RTEL1: variants seen among roughly 807,000 people sequenced by gnomAD.
The protein encoded by RTEL1 is regulator of telomere length.
In RTEL1, 86 loss-of-function variants were observed where a neutral mutation model predicts 162.2. The ratio of observed to expected loss-of-function variants is 0.53; its 90% confidence interval spans 0.45 to 0.63. The LOEUF (loss-of-function observed/expected upper bound fraction) is 0.63. RTEL1 is among the 30% of genes least tolerant of loss of function. The pLI, the probability that RTEL1 is intolerant of heterozygous loss-of-function variation, is 0.00. For synonymous variants in RTEL1, 958 were observed against 717.9 expected (o/e 1.33, Z -5.35); for missense variants, 1,941 against 1,750.2 (o/e 1.11, Z -1.95).
Position 63,695,351 on chromosome 20 carries a change from G to T in RTEL1, c.3523G>T (p.Gly1175Trp). The T allele has an allele frequency of 6.4e-7, 1 of 1,550,948 alleles. No individual in the cohort carries two copies. Among genetic ancestry groups the T allele is most frequent in the East Asian group, 2.3e-5 (1 of 44,348 alleles). Reference protein sequence around the residue: ...QPGPSRSEKTGKTQSKISSFL... With the variant: ...QPGPSRSEKTWKTQSKISSFL... ...AGGCCCCTCACGGTCCGAGAAGACC[G>T]GGAAGACCCAGAGCAAGATCTCGTC... The change falls in exon 34 of 35, where the codon GGG becomes TGG. Residue 1175 changes from glycine (G) to tryptophan (W), a missense_variant. Gly to Trp is a radical substitution (Grantham distance 184). Transcript: ENST00000360203.
intron 6 of RTEL1, 26 bp from the exon 7 acceptor site, chr20:63,665,978 T>C: frequency 6.2e-7 from 1 of 1,609,440 alleles, no homozygotes; most frequent in Admixed American, 1.7e-5. Context: ...TGAGGGTGTG[T>C]GTTTACCCCT....
intron 14 of RTEL1, among the ~76,000 whole-genome samples, chr20:63,683,823 T>C (rs1024582045): frequency 5.9e-5 from 8 of 134,630 alleles, no homozygotes; most frequent in Non-Finnish European, 1.3e-4. Flanking sequence ...TCCTTTCCCA[T>C]TGATTTGCAG....
intron 6 of RTEL1, among the ~76,000 whole-genome samples, chr20:63,665,734 G>A (rs1017925250): frequency 6.6e-6 from 1 of 152,180 alleles, no homozygotes; most frequent in Non-Finnish European, 1.5e-5. Context: ...AGGATGCGTA[G>A]AACCCTCGGG....
At chr20:63,694,597 C>G in intron 31 of RTEL1, 109 bp downstream of exon 31, 1 of 1,235,346 alleles carries the variant, frequency 8.1e-7, no homozygotes, top group Non-Finnish European at 1.1e-6. Context: ...GGAGCCATCT[C>G]ATGGTGGGGA....
intron 10 of RTEL1, among the ~76,000 whole-genome samples, chr20:63,674,430 T>C (rs2090308875): frequency 6.6e-6 from 1 of 152,226 alleles, no homozygotes; most frequent in Non-Finnish European, 1.5e-5. Flanking sequence ...AGTATCAACT[T>C]GGCCTCTACT....
chr20:63,662,086 G>C, intron 4 of RTEL1, 143 bp downstream of exon 4: 1 of 703,926 alleles, frequency 1.4e-6, no homozygotes, highest in Non-Finnish European at 2.4e-6. Context: ...GAGCGCTGGT[G>C]CCCAGGGGTG....
chr20:63,693,606 ACCACCT>A (rs2090867752), intron 30 of RTEL1, among the ~76,000 whole-genome samples: 20 of 11,788 alleles, frequency 1.7e-3, no homozygotes, highest in Admixed American at 3.9e-3. Context: ...CTCCACCACC[ACCACCT>A]CCACCTCCAC....
intron 14 of RTEL1, chr20:63,681,465 T>A: frequency 1.0e-6 from 1 of 985,298 alleles, no homozygotes; most frequent in Non-Finnish European, 1.2e-6. Flanking sequence ...ACGCTGTACC[T>A]GCTGGCCACA....
chr20:63,679,756 C>T (rs182263609), intron 12 of RTEL1, 93 bp from the exon 13 acceptor site: 9 of 940,584 alleles, frequency 9.6e-6, no homozygotes, highest in Admixed American at 6.9e-5. Flanking sequence ...TGTCGTCCCC[C>T]CTCAGGCCCG....
chr20:63,689,254 C>T lies in RTEL1; in HGVS notation c.1878+122C>T, dbSNP rs564603124. 44 of 1,008,320 alleles carry T rather than the reference C, an allele frequency of 4.4e-5. 1 individual carries two copies. Among genetic ancestry groups the T allele is most frequent in the African/African-American group, 8.0e-5 (5 of 62,444 alleles). The allele number at this position is 1,008,320 out of a possible 1,614,324, so 62.5% of individuals were successfully genotyped here. Reference sequence around the variant, plus strand: ...GTCCCCTCCTTGGGTCCCACGAGAGCGACTGCTGGCCCTGCTGGGAGCGTG... The same window carrying T: ...GTCCCCTCCTTGGGTCCCACGAGAGTGACTGCTGGCCCTGCTGGGAGCGTG... On this transcript the variant is annotated intron_variant, in intron 22 of 34. Coordinates refer to ENST00000360203, the MANE Select transcript of RTEL1 (RefSeq NM_001283009.2).
chr20:63,682,065 G>A (rs760882010), intron 14 of RTEL1: 86 of 985,360 alleles, frequency 8.7e-5, no homozygotes, highest in Non-Finnish European at 1.0e-4. Context: ...CCCAGGGCCT[G>A]GAGGGCAGGT....
intron 30 of RTEL1, 73 bp from the exon 31 acceptor site, chr20:63,694,299 G>GGCCC: frequency 3.6e-6 from 3 of 841,716 alleles, no homozygotes; most frequent in East Asian, 2.8e-5. Context: ...TCCCTAGCCA[G>GGCCC]CCCTGCCCCC....
intron 28 of RTEL1, chr20:63,692,354 C>T: frequency 4.3e-6 from 1 of 230,732 alleles, no homozygotes; most frequent in Non-Finnish European, 8.6e-6. Flanking sequence ...TGGGGAGTGC[C>T]TGGGCCGCCC....
rs903729017 is a variant in RTEL1 at position 63,692,982 on chromosome 20, A to G, written c.2830A>G (p.Lys944Glu). ...CGGCCCCCTCTTTGCTGAGGACCCC[A>G]AGAAGCACAACCTGCTCCAAGGTGC... ...CLGPLFAEDP[K>E]KHNLLQGFYQ... Residue 944 changes from lysine to glutamate, a missense_variant, in exon 29 of 35, where the codon AAG (lysine) becomes GAG (glutamate). Physicochemically the swap from Lys to Glu is moderately conservative, Grantham distance 56. Coordinates refer to ENST00000360203, the MANE Select transcript of RTEL1 (RefSeq NM_001283009.2). 3.7e-6 allele frequency: 6 copies of G among 1,612,450 alleles called. No individual in the cohort carries two copies. In the Admixed American group the frequency reaches 5.0e-5, roughly 13 times the overall value.
chr20:63,678,270 A>T lies in RTEL1; in HGVS notation c.961A>T (p.Ile321Phe). The T allele has an allele frequency of 1.2e-6, 2 of 1,612,310 alleles. No individual in the cohort carries two copies. The highest frequency in any genetic ancestry group is 1.7e-6 in the Non-Finnish European group (2 of 1,178,896). The part of the protein sequence containing the change: ...ELEDIAKLKM[I>F]LLRLEGAIDA... ...GGTGACACCTCCTCGACCCACAGTG[A>T]TCCTGCTGCGCCTGGAGGGGGCCAT... The change falls in exon 12 of 35, where the codon ATC (isoleucine) becomes TTC (phenylalanine). Residue 321 changes from isoleucine to phenylalanine, a missense_variant and splice_region_variant. By Grantham distance (21) the Ile-to-Phe change is conservative. Transcript: ENST00000360203.
chr20:63,694,344 G>C (rs1374732404), intron 30 of RTEL1, 28 bp from the exon 31 acceptor site: 1 of 1,027,490 alleles, frequency 9.7e-7, no homozygotes, highest in South Asian at 1.2e-5. Flanking sequence ...CTCTCGACCA[G>C]CTTTGTGGCT....
intron 6 of RTEL1, among the ~76,000 whole-genome samples, chr20:63,664,837 G>A (rs984833329): frequency 5.1e-4 from 77 of 152,354 alleles, no homozygotes; most frequent in African/African-American, 1.8e-3. Flanking sequence ...TGCGTCCTGT[G>A]AGGACTCTGG....
chr20:63,673,284 C>T (rs1391186056), intron 9 of RTEL1, among the ~76,000 whole-genome samples: 1 of 150,130 alleles, frequency 6.7e-6, no homozygotes, highest in Admixed American at 6.6e-5. Flanking sequence ...GTCCCAGCTA[C>T]TCAGGAGGCT....
At chr20:63,662,095 T>G in intron 4 of RTEL1, 152 bp downstream of exon 4, 1 of 679,376 alleles carries the variant, frequency 1.5e-6, no homozygotes, top group Non-Finnish European at 2.5e-6. Context: ...TGCCCAGGGG[T>G]GGGGTGCGGC....
Sources: gnomAD v4.1 joint callset for allele counts (sites outside exome capture counted in the v4.1 genomes callset) on GRCh38, gnomAD v4.1.1 for gene constraint, MANE v1.5 for transcripts, NCBI Gene and HGNC (gene_info 2026-07-23, HGNC 2026-07-21) for gene names.